The following SMC1A variants were observed in gnomAD, a reference collection of about 807,000 sequenced individuals.
The protein encoded by SMC1A is structural maintenance of chromosomes protein 1A.
In SMC1A, 4 loss-of-function variants were observed where a neutral mutation model predicts 94.5. The observed-to-expected ratio is 0.04, with a 90% confidence interval of 0.02 to 0.10. The LOEUF (loss-of-function observed/expected upper bound fraction) is 0.10. Ranked by LOEUF, SMC1A falls within the 10% of genes least tolerant of loss-of-function variation. The pLI, the probability that SMC1A is intolerant of heterozygous loss-of-function variation, is 1.00. For missense variants in SMC1A, 304 were observed against 989.0 expected, an observed-to-expected ratio of 0.31 and a Z score of 9.29; for synonymous variants, 345 against 347.7, an observed-to-expected ratio of 0.99 and a Z score of 0.09.
intron 19 of SMC1A, among the ~76,000 whole-genome samples, chrX:53,385,910 C>A (rs2075602811): frequency 9.0e-6 from 1 of 111,588 alleles, no homozygotes; most frequent in South Asian, 3.7e-4. Context: ...CATAAGATGC[C>A]AAAGCATCAC....
intron 19 of SMC1A, among the ~76,000 whole-genome samples, chrX:53,387,444 C>T (rs1269687777): frequency 2.7e-5 from 3 of 112,239 alleles, no homozygotes; most frequent in African/African-American, 6.5e-5. Flanking sequence ...TGACGTTAAA[C>T]TAAAAATTAC....
At chrX:53,405,186 T>C in intron 12 of SMC1A, 37 bp from the exon 13 acceptor site, 1 of 1,211,976 alleles carries the variant, frequency 8.3e-7, no homozygotes, top group Non-Finnish European at 1.1e-6. Context: ...GGTGGTAAGG[T>C]GGTGGCTGAC....
In SMC1A at chrX:53,389,846, T is replaced by C. The variant is rs868920123; in HGVS notation, c.2973+4932A>G. Among the ~76,000 whole-genome samples the C allele has an allele frequency of 4.2e-3, 359 of 85,251 alleles. 3 individuals carry two copies. The highest frequency in any genetic ancestry group is 0.015 in the African/African-American group (329 of 22,432). 74.0% of individuals were successfully genotyped at this position (85,251 alleles called of 115,157 possible). A position where few individuals can be genotyped will look rare whatever the true frequency, so the allele number is the denominator to read the frequency against. ...GAAATATGATGTCCAGAATTTCTTT[T>C]TTTTTTTTTTTTTTTTTTTTTGAGA... On this transcript the variant is annotated intron_variant, in intron 19 of 24. Coordinates refer to ENST00000322213, the MANE Select transcript of SMC1A (RefSeq NM_006306.4).
intron 1 of SMC1A, among the ~76,000 whole-genome samples, chrX:53,417,551 C>CAAAAAA (rs1318273895): frequency 4.1e-5 from 1 of 24,391 alleles, no homozygotes; most frequent in Non-Finnish European, 7.8e-5. Flanking sequence ...AACTCCATCT[C>CAAAAAA]AAAAAAAAAA....
chrX:53,382,129 C>T, intron 22 of SMC1A, 103 bp downstream of exon 22: 3 of 1,005,712 alleles, frequency 3.0e-6, no homozygotes, highest in Non-Finnish European at 4.2e-6. Context: ...CCAGATTCCA[C>T]CAAACCATCA....
rs2075714547 is a variant in SMC1A at position 53,411,914 on chromosome X, C to A, written c.1114-13G>T. 1 of 1,211,506 alleles carries A rather than the reference C, an allele frequency of 8.3e-7. No individual in the cohort carries two copies. The highest frequency in any genetic ancestry group is 1.1e-6 in the Non-Finnish European group (1 of 895,391). On this transcript the variant is annotated splice_polypyrimidine_tract_variant and intron_variant, in intron 6 of 24. Transcript: ENST00000322213. ...GGTATTTCTTCACCTGTGTTAGGGA[C>A]AGGGAAGGAGAACAGGGATGACCAA... is the stretch of plus-strand genomic sequence containing the variant.
At chrX:53,413,543 C>A in intron 3 of SMC1A, 108 bp from the exon 4 acceptor site, 2 of 693,979 alleles carry the variant, frequency 2.9e-6, no homozygotes, top group Non-Finnish European at 4.4e-6. Flanking sequence ...CTCTCCCATG[C>A]CCCTGCTGCC....
chrX:53,388,417 A>C (rs2075613770), intron 19 of SMC1A, among the ~76,000 whole-genome samples: 1 of 110,574 alleles, frequency 9.0e-6, no homozygotes, highest in Admixed American at 9.8e-5. Flanking sequence ...GGATATTTGG[A>C]ACAACTTGGG....
At chrX:53,408,066 C>T (rs1353753663) in intron 9 of SMC1A, among the ~76,000 whole-genome samples, 2 of 112,128 alleles carry the variant, frequency 1.8e-5, no homozygotes, top group Non-Finnish European at 3.8e-5. Flanking sequence ...TGGTGACTCA[C>T]GCCTGTAACC....
chrX:53,409,581 A>G (rs1462535434), intron 7 of SMC1A, 78 bp from the exon 8 acceptor site: 1 of 775,691 alleles, frequency 1.3e-6, no homozygotes, highest in Non-Finnish European at 2.0e-6. Context: ...CACACCCTTT[A>G]TGTGCCCACT....
chrX:53,403,507 G>T, intron 15 of SMC1A, 59 bp downstream of exon 15: 1 of 934,303 alleles, frequency 1.1e-6, no homozygotes, highest in Non-Finnish European at 1.5e-6. Flanking sequence ...GGTTTTCCAA[G>T]GATGTCAAGC....
intron 9 of SMC1A, among the ~76,000 whole-genome samples, chrX:53,407,815 G>GA (rs1190407181): frequency 1.8e-5 from 2 of 111,142 alleles, no homozygotes; most frequent in African/African-American, 6.5e-5. Flanking sequence ...TGTGAGAGTA[G>GA]AAAAAACACT....
In SMC1A at chrX:53,405,577, C is replaced by T; in HGVS notation, c.1827G>A (p.Leu609=). The part of the protein sequence containing the change: ...RYEPPHIKKA[L]QYACGNALVC... ...CAAGGGCATTGCCACAAGCATACTG[C>T]AGGGCCTTTTTGATATGAGGTGGCT... Residue 609 remains leucine, a synonymous_variant, in exon 11 of 25, where the codon CTG becomes CTA. Coordinates refer to ENST00000322213, the MANE Select transcript of SMC1A (RefSeq NM_006306.4). 8.3e-7 allele frequency: 1 copy of T among 1,212,110 alleles called. No individual in the cohort carries two copies. The highest frequency in any genetic ancestry group is 1.7e-5 in the African/African-American group (1 of 57,919).
At chrX:53,407,027 T>C (rs2075693966) in intron 9 of SMC1A, among the ~76,000 whole-genome samples, 1 of 112,222 alleles carries the variant, frequency 8.9e-6, no homozygotes, top group African/African-American at 3.2e-5. Flanking sequence ...ATTGTTCTGA[T>C]GTAAGGGATC....
At chrX:53,388,606 C>T (rs2075614283) in intron 19 of SMC1A, among the ~76,000 whole-genome samples, 1 of 108,820 alleles carries the variant, frequency 9.2e-6, no homozygotes, top group Non-Finnish European at 1.9e-5. Flanking sequence ...ATAGTTCACA[C>T]ATTGAAATCA....
intron 15 of SMC1A, 96 bp from the exon 16 acceptor site, chrX:53,399,826 C>A (rs2075664791): frequency 5.5e-6 from 5 of 912,551 alleles, no homozygotes; most frequent in Non-Finnish European, 3.1e-6. Flanking sequence ...GGAAACTAGA[C>A]CCAGGGCTCA....
In SMC1A at chrX:53,382,746, A is replaced by G. The variant is rs782467248; in HGVS notation, c.3131-86T>C. The G allele has an allele frequency of 1.8e-5, 19 of 1,082,910 alleles. No individual in the cohort carries two copies. In the East Asian group the frequency reaches 5.2e-4, roughly 29 times the overall value. The allele number at this position is 1,082,910 out of a possible 1,213,427, so 89.2% of individuals were successfully genotyped here. On this transcript the variant is annotated intron_variant, in intron 20 of 24. Transcript: ENST00000322213. ...AATCCAGAGCAGGAACATCCCACTGAGAGAGAGGAATGCCTGAGGAGGGTC... is the reference window on the plus strand; with the variant it reads ...AATCCAGAGCAGGAACATCCCACTGGGAGAGAGGAATGCCTGAGGAGGGTC...
At chrX:53,411,522 A>C (rs2075712671) in intron 7 of SMC1A, among the ~76,000 whole-genome samples, 1 of 111,059 alleles carries the variant, frequency 9.0e-6, no homozygotes, top group African/African-American at 3.3e-5. Context: ...CCCGGGAGGC[A>C]AAGGTTGTGG....
Position 53,379,824 on chromosome X carries a change from G to A in SMC1A, c.*279C>T. ...AGAGGCCCAAGGGGCCCACGATTAT[G>A]GGTGATGAGGGGGAGGAAGGGGGTG... On this transcript the variant is annotated 3_prime_UTR_variant, in exon 25 of 25. Coordinates refer to ENST00000322213, the MANE Select transcript of SMC1A (RefSeq NM_006306.4). 4.8e-6 allele frequency: 2 copies of A among 413,410 alleles called. No homozygotes were observed. Among genetic ancestry groups the A allele is most frequent in the Admixed American group, 8.2e-5 (2 of 24,350 alleles). 34.1% of individuals were successfully genotyped at this position (413,410 alleles called of 1,213,427 possible). A position where few individuals can be genotyped will look rare whatever the true frequency, so the allele number is the denominator to read the frequency against.
Sources: gnomAD v4.1 joint callset for allele counts (sites outside exome capture counted in the v4.1 genomes callset) on GRCh38, gnomAD v4.1.1 for gene constraint, MANE v1.5 for transcripts, NCBI Gene and HGNC (gene_info 2026-07-23, HGNC 2026-07-21) for gene names.